The following RBM25 variants were observed in gnomAD, a reference collection of about 807,000 sequenced individuals.
RBM25 encodes the protein RNA-binding protein 25.
Under a neutral mutation model 120.7 loss-of-function variants are expected in RBM25, and 19 were observed. The observed-to-expected ratio is 0.16, with a 90% CI of 0.11 to 0.23. The LOEUF is 0.23. Among genes scored for constraint, RBM25 ranks in the 10% least tolerant of loss-of-function variants. The pLI is 1.00. For missense variants in RBM25, 605 were observed against 1,041.5 expected (o/e 0.58, Z 5.77); for synonymous variants, 390 against 326.7 (o/e 1.19, Z -2.09).
At chr14:73,079,182 C>T (rs187397376) in intron 4 of RBM25, among the ~76,000 whole-genome samples, 3 of 150,620 alleles carry the variant, frequency 2.0e-5, no homozygotes, top group Non-Finnish European at 4.5e-5. Flanking sequence ...CGGCACTTTG[C>T]GGGGCCAAGG....
rs905248672 is a variant in RBM25, at chr14:73,112,029, A to G, written c.2293-123A>G. 73 of 1,077,846 alleles carry G rather than the reference A, an allele frequency of 6.8e-5. 1 individual carries two copies. In the Admixed American group the frequency reaches 1.9e-3, roughly 27 times the overall value. The allele number at this position is 1,077,846 out of a possible 1,614,324, so 66.8% of individuals were successfully genotyped here. ...AGCAGATGATTGTATCTTGATACAT[A>G]TCTGTCTTAGTTCAACTTGTGAAAT... On this transcript the variant is annotated intron_variant, in intron 16 of 18. Coordinates refer to ENST00000261973, the MANE Select transcript of RBM25 (RefSeq NM_021239.3).
chr14:73,083,978 AC>A (rs1319019103), intron 5 of RBM25, among the ~76,000 whole-genome samples: 7 of 151,564 alleles, frequency 4.6e-5, no homozygotes, highest in Non-Finnish European at 5.9e-5. Flanking sequence ...GCTCACTGCA[AC>A]CTCTGCCTCC....
intron 6 of RBM25, among the ~76,000 whole-genome samples, chr14:73,092,718 C>G (rs1370562690): frequency 1.3e-5 from 2 of 152,000 alleles, no homozygotes; most frequent in Non-Finnish European, 2.9e-5. Flanking sequence ...TCCTATCCCT[C>G]CCACCTGCCC....
chr14:73,069,841 T>G (rs1306678475), intron 1 of RBM25: 2 of 148,448 alleles, frequency 1.3e-5, no homozygotes, highest in African/African-American at 2.5e-5. Context: ...TTTTTTTTTT[T>G]TTTTGAGACA....
chr14:73,119,270 T>G (rs115847708), intron 18 of RBM25, among the ~76,000 whole-genome samples: 71 of 151,442 alleles, frequency 4.7e-4, no homozygotes, highest in African/African-American at 1.7e-3. Context: ...AACTTTTTTG[T>G]TTTTTTTGTT....
chr14:73,062,200 C>T (rs1400423642), intron 1 of RBM25, among the ~76,000 whole-genome samples: 1 of 151,424 alleles, frequency 6.6e-6, no homozygotes, highest in Non-Finnish European at 1.5e-5. Flanking sequence ...AAGATCAACT[C>T]TTTTTTGGAG....
intron 6 of RBM25, among the ~76,000 whole-genome samples, chr14:73,088,868 C>T (rs1040615544): frequency 1.3e-5 from 2 of 152,170 alleles, no homozygotes; most frequent in African/African-American, 2.4e-5. Flanking sequence ...TTGCTGGGCA[C>T]GGTGGCTCAC....
At chr14:73,069,733 C>T (rs1477463456) in intron 1 of RBM25, 7 of 95,350 alleles carry the variant, frequency 7.3e-5, no homozygotes, top group African/African-American at 2.3e-4. Context: ...CGTGCCTGGC[C>T]GACCCTGTTT....
chr14:73,064,032 C>T (rs986518687), intron 1 of RBM25, among the ~76,000 whole-genome samples: 1 of 151,198 alleles, frequency 6.6e-6, no homozygotes, highest in African/African-American at 2.4e-5. Flanking sequence ...GTCTCTTTCC[C>T]CCAGATATGA....
chr14:73,091,018 G>C (rs956480481), intron 6 of RBM25, among the ~76,000 whole-genome samples: 5 of 152,160 alleles, frequency 3.3e-5, no homozygotes, highest in African/African-American at 9.7e-5. Context: ...CTAACTAGTT[G>C]AAAGTATGGA....
At chr14:73,074,229 A>AT (rs1895359620) in intron 2 of RBM25, among the ~76,000 whole-genome samples, 1 of 151,934 alleles carries the variant, frequency 6.6e-6, no homozygotes, top group Non-Finnish European at 1.5e-5. Flanking sequence ...TAATTTATTA[A>AT]TTTTTTTGAG....
chr14:73,088,092 C>T lies in RBM25; in HGVS notation c.474C>T (p.Leu158=), dbSNP rs1281266093. Residue 158 remains leucine, a synonymous_variant, in exon 6 of 19, where the codon CTC becomes CTT. Coordinates refer to ENST00000261973, the MANE Select transcript of RBM25 (RefSeq NM_021239.3). The stretch of plus-strand genomic sequence containing the variant: ...TGCAAATTGGAGAGAAAAAGCTACT[C>T]GTTAAAGTTGATGCAAAGACAAAGG... The part of the protein sequence containing the change: ...HDLQIGEKKL[L]VKVDAKTKAQ... 13 of 1,613,952 alleles carry T rather than the reference C, an allele frequency of 8.1e-6. No individual in the cohort carries two copies. Among genetic ancestry groups the T allele is most frequent in the South Asian group, 1.1e-5 (1 of 91,080 alleles).
At chr14:73,088,408 A>T in intron 6 of RBM25, 1 of 605,884 alleles carries the variant, frequency 1.7e-6, no homozygotes, top group Non-Finnish European at 3.1e-6. Flanking sequence ...GACAAGGTTA[A>T]CTTGCCAGAG....
At chr14:73,075,518 A>G (rs1895396571) in intron 2 of RBM25, among the ~76,000 whole-genome samples, 1 of 152,202 alleles carries the variant, frequency 6.6e-6, no homozygotes, top group Non-Finnish European at 1.5e-5. Flanking sequence ...AGATTTACAC[A>G]TAAATTTCTC....
chr14:73,106,710 T>C (rs538598442), intron 12 of RBM25, among the ~76,000 whole-genome samples: 2 of 152,196 alleles, frequency 1.3e-5, no homozygotes, highest in African/African-American at 2.4e-5. Context: ...TTTAAATTGA[T>C]TGATGAACAT....
chr14:73,109,113 G>T, intron 13 of RBM25: 1 of 301,476 alleles, frequency 3.3e-6, no homozygotes. Flanking sequence ...TTATTAGAAT[G>T]ACTTTAAGAA....
In RBM25 at chr14:73,120,834, T is replaced by C. The variant is rs933246939; in HGVS notation, c.*1029T>C. ...GTGAGAGTTTTACAAACATGATAGG[T>C]ATTCTGCTCGGCAATTTGTAAGTTT... On this transcript the variant is annotated 3_prime_UTR_variant, in exon 19 of 19. Transcript: ENST00000261973. The C allele has an allele frequency of 2.6e-5, 4 of 152,190 alleles. No individual in the cohort carries two copies. Among genetic ancestry groups the C allele is most frequent in the African/African-American group, 9.7e-5 (4 of 41,448 alleles). The allele number at this position is 152,190 out of a possible 1,614,324, so 9.4% of individuals were successfully genotyped here.
intron 1 of RBM25, among the ~76,000 whole-genome samples, chr14:73,070,195 A>G (rs370750647): frequency 6.6e-6 from 1 of 150,914 alleles, no homozygotes; most frequent in African/African-American, 2.4e-5. Flanking sequence ...TTACAGGCGC[A>G]CACCACCATA....
At chr14:73,117,776 G>A (rs1896465917) in intron 18 of RBM25, among the ~76,000 whole-genome samples, 1 of 152,112 alleles carries the variant, frequency 6.6e-6, no homozygotes, top group South Asian at 2.1e-4. Context: ...AACCAATGTA[G>A]TCTGACTAGA....
Sources: gnomAD v4.1 joint callset for allele counts (sites outside exome capture counted in the v4.1 genomes callset) on GRCh38, gnomAD v4.1.1 for gene constraint, MANE v1.5 for transcripts, NCBI Gene and HGNC (gene_info 2026-07-23, HGNC 2026-07-21) for gene names.